MDH1B: variants seen among roughly 807,000 people sequenced by gnomAD.
The protein encoded by MDH1B is putative malate dehydrogenase 1B.
In MDH1B, 60 loss-of-function variants were observed where a neutral mutation model predicts 61.4. The ratio of observed to expected loss-of-function variants is 0.98; its 90% CI spans 0.79 to 1.21. The LOEUF (loss-of-function observed/expected upper bound fraction) is 1.21. Among genes scored for constraint, MDH1B ranks in the 50% most tolerant of loss-of-function variants. The pLI is 0.00. For missense variants in MDH1B, 587 were observed against 632.1 expected (o/e 0.93, Z 0.76); for synonymous variants, 236 against 218.7 (o/e 1.08, Z -0.70).
intron 7 of MDH1B, among the ~76,000 whole-genome samples, chr2:206,748,597 C>T (rs1688259369): frequency 6.6e-6 from 1 of 152,180 alleles, no homozygotes; most frequent in Non-Finnish European, 1.5e-5. Context: ...GTTCTTTCCA[C>T]ACTTGTCTTC....
intron 1 of MDH1B, among the ~76,000 whole-genome samples, chr2:206,761,515 A>G (rs1299309394): frequency 6.6e-6 from 1 of 152,176 alleles, no homozygotes; most frequent in Non-Finnish European, 1.5e-5. Context: ...TAACTAGAGA[A>G]AAATCATGAA....
rs1343199976 is a variant in MDH1B at position 206,765,280 on chromosome 2, G to C, written c.-9C>G. ...ATGACGAATTTGGCCATGGTCGAGA[G>C]AGACTCAGAGGCAGGGACCGCGGCT... On this transcript the variant is annotated 5_prime_UTR_variant, in exon 1 of 12. Coordinates refer to ENST00000374412, the MANE Select transcript of MDH1B (RefSeq NM_001039845.3). 1 of 1,600,198 alleles carries C rather than the reference G, an allele frequency of 6.2e-7. No homozygotes were observed. The highest frequency in any genetic ancestry group is 8.5e-7 in the Non-Finnish European group (1 of 1,175,572).
intron 1 of MDH1B, among the ~76,000 whole-genome samples, chr2:206,763,196 T>C (rs1689203133): frequency 6.6e-6 from 1 of 151,838 alleles, no homozygotes; most frequent in African/African-American, 2.4e-5. Context: ...TCCCTAATTA[T>C]CTAAGAGTAG....
chr2:206,758,179 A>G (rs1688870935), intron 2 of MDH1B, among the ~76,000 whole-genome samples: 1 of 152,126 alleles, frequency 6.6e-6, no homozygotes. Flanking sequence ...AAGAGACATT[A>G]CCCCAAAAAA....
In MDH1B at chr2:206,755,350, G is replaced by C; in HGVS notation, c.569C>G (p.Pro190Arg). 6.2e-7 allele frequency: 1 copy of C among 1,614,216 alleles called. No homozygotes were observed. The highest frequency in any genetic ancestry group is 2.2e-5 in the East Asian group (1 of 44,880). ...LVVETQDLAS[P>R]VLRSVSICTK... The stretch of plus-strand genomic sequence containing the variant: ...GCAGATGGAGACACTGCGCAGGACG[G>C]GAGATGCCAGGTCTTGGGTCTCCAC... The change falls in exon 5 of 12, where the codon CCC (proline) becomes CGC (arginine). Residue 190 changes from proline (P) to arginine (R), a missense_variant. By Grantham distance (103) the Pro-to-Arg change is moderately radical. Transcript: ENST00000374412.
Position 206,739,680 on chromosome 2 carries a change from G to C in MDH1B, c.1460-19C>G, listed in dbSNP as rs767191564. 2 of 1,611,808 alleles carry C rather than the reference G, an allele frequency of 1.2e-6. No individual in the cohort carries two copies. Among genetic ancestry groups the C allele is most frequent in the African/African-American group, 1.3e-5 (1 of 74,992 alleles). ...TCTGCTGCTGCAAATAGAGTTAAAA[G>C]AATAGTTTTTAGTATGTAAAGCGCA... is the stretch of plus-strand genomic sequence containing the variant. On this transcript the variant is annotated intron_variant, in intron 10 of 11. Transcript: ENST00000374412.
chr2:206,743,484 T>A (rs1687929180), intron 9 of MDH1B, among the ~76,000 whole-genome samples: 1 of 152,146 alleles, frequency 6.6e-6, no homozygotes. Flanking sequence ...TTTTTTCTCT[T>A]ACCTTCTCTC....
chr2:206,752,597 G>GA (rs1430366481), intron 5 of MDH1B, among the ~76,000 whole-genome samples: 2 of 152,106 alleles, frequency 1.3e-5, no homozygotes, highest in Non-Finnish European at 2.9e-5. Context: ...CCCACATGGG[G>GA]AAAATAATTC....
chr2:206,755,029 T>C lies in MDH1B; in HGVS notation c.890A>G (p.Lys297Arg). Residue 297 changes from lysine to arginine, a missense_variant, in exon 5 of 12, where the codon AAA becomes AGA. Lys to Arg is a conservative substitution (Grantham distance 26). Coordinates refer to ENST00000374412, the MANE Select transcript of MDH1B (RefSeq NM_001039845.3). The part of the protein sequence containing the change: ...EGEAKAILAR[K>R]LKTAPSYIKD... ...CTCACATGAAGGAGCTGTCTTCAGT[T>C]TTCTGGCCAGTATGGCTTTCGCTTC... 1 of 1,613,120 alleles carries C rather than the reference T, an allele frequency of 6.2e-7. No individual in the cohort carries two copies. The highest frequency in any genetic ancestry group is 1.7e-5 in the Admixed American group (1 of 60,000).
At chr2:206,765,152 G>T in intron 1 of MDH1B, 98 bp downstream of exon 1, 2 of 1,425,162 alleles carry the variant, frequency 1.4e-6, no homozygotes, top group Admixed American at 2.4e-5. Context: ...GCAAAGCATG[G>T]AGCGGTCCGT....
chr2:206,761,728 T>G (rs112468535), intron 1 of MDH1B, among the ~76,000 whole-genome samples: 35 of 152,128 alleles, frequency 2.3e-4, no homozygotes, highest in African/African-American at 8.0e-4. Context: ...TTAAAGCCAC[T>G]ACAACAGATG....
intron 7 of MDH1B, 121 bp downstream of exon 7, chr2:206,748,899 T>C (rs1259510275): frequency 3.9e-6 from 3 of 764,632 alleles, no homozygotes; most frequent in Admixed American, 2.7e-5. Context: ...TATGAAATTG[T>C]AAAAGTCCAG....
At chr2:206,748,281 G>A (rs11692074) in intron 7 of MDH1B, among the ~76,000 whole-genome samples, 63,533 of 152,018 alleles carry the variant, frequency 0.42, 14,140 homozygotes, top group Non-Finnish European at 0.5. Context: ...CGGGAGGCTG[G>A]GGCAGGAGAA....
chr2:206,740,736 T>A (rs1214523191), intron 10 of MDH1B, among the ~76,000 whole-genome samples: 1 of 152,132 alleles, frequency 6.6e-6, no homozygotes, highest in Non-Finnish European at 1.5e-5. Context: ...CTTGCCCTAT[T>A]GGTTATTTTG....
Position 206,755,158 on chromosome 2 carries a change from A to G in MDH1B, c.761T>C (p.Ile254Thr). 1 of 1,614,188 alleles carries G rather than the reference A, an allele frequency of 6.2e-7. No individual in the cohort carries two copies. The highest frequency in any genetic ancestry group is 1.1e-5 in the South Asian group (1 of 91,082). Residue 254 changes from isoleucine (I) to threonine (T), a missense_variant, in exon 5 of 12, where the codon ATC becomes ACC. Coordinates refer to ENST00000374412, the MANE Select transcript of MDH1B (RefSeq NM_001039845.3). ...EKNAHESVRV[I>T]VGGRTFVNLK... is the part of the protein sequence containing the mutation. Reference sequence around the variant, plus strand: ...GTTTACAAAGGTTCTCCCTCCCACGATGACTCTGACAGACTCATGAGCATT... The same window carrying G: ...GTTTACAAAGGTTCTCCCTCCCACGGTGACTCTGACAGACTCATGAGCATT...
intron 5 of MDH1B, among the ~76,000 whole-genome samples, chr2:206,753,112 T>G (rs1574637763): frequency 6.7e-6 from 1 of 150,320 alleles, no homozygotes; most frequent in African/African-American, 2.5e-5. Context: ...TGCCACCTTT[T>G]AGGGCTGAAC....
chr2:206,760,912 C>G lies in MDH1B; in HGVS notation c.124G>C (p.Glu42Gln). 1 of 1,603,358 alleles carries G rather than the reference C, an allele frequency of 6.2e-7. No individual in the cohort carries two copies. Among genetic ancestry groups the G allele is most frequent in the African/African-American group, 1.3e-5 (1 of 74,824 alleles). ...TAAAGGCTTCTTACCTCCCAAACCT[C>G]AGGACGTTGTGTGATTTTATGTATC... ...FRIHKITQRP[E>Q]VWEDWLKDVC... Residue 42 changes from glutamate (E) to glutamine (Q), a missense_variant, in exon 2 of 12, where the codon GAG (glutamate) becomes CAG (glutamine). Transcript: ENST00000374412.
chr2:206,753,359 T>C (rs1414469219), intron 5 of MDH1B, among the ~76,000 whole-genome samples: 2 of 152,118 alleles, frequency 1.3e-5, no homozygotes, highest in Admixed American at 1.3e-4. Flanking sequence ...ATGGCTCACT[T>C]GCAGCCTCAA....
chr2:206,757,353 A>G lies in MDH1B; in HGVS notation c.154T>C (p.Cys52Arg). 6.2e-7 allele frequency: 1 copy of G among 1,613,610 alleles called. No homozygotes were observed. The highest frequency in any genetic ancestry group is 1.7e-4 in the Middle Eastern group (1 of 6,060). ...EVWEDWLKDV[C>R]EKNKWSHKNS... ...TTGTGACTCCACTTATTCTTTTCAC[A>G]CACATCTTTTAGCCAATCCTGTTGA... The change falls in exon 3 of 12, where the codon TGT becomes CGT. Residue 52 changes from cysteine (C) to arginine (R), a missense_variant. Cys to Arg is a radical substitution (Grantham distance 180, BLOSUM62 -3). Coordinates refer to ENST00000374412, the MANE Select transcript of MDH1B (RefSeq NM_001039845.3).
Sources: gnomAD v4.1 joint callset for allele counts (sites outside exome capture counted in the v4.1 genomes callset) on GRCh38, gnomAD v4.1.1 for gene constraint, MANE v1.5 for transcripts, NCBI Gene and HGNC (gene_info 2026-07-23, HGNC 2026-07-21) for gene names.